PRKCZ: variants seen among roughly 807,000 people sequenced by gnomAD.
The protein encoded by PRKCZ is protein kinase C zeta type.
Under a neutral mutation model 79.5 loss-of-function variants are expected in PRKCZ, and 33 were observed. The ratio of observed to expected loss-of-function variants is 0.41; its 90% CI spans 0.31 to 0.55. PRKCZ has a LOEUF of 0.55. PRKCZ is among the 20% of genes least tolerant of loss of function. The probability of loss-of-function intolerance (pLI) is 0.19; values close to 1 mark genes in which losing one functional copy is unlikely to be tolerated. For missense variants in PRKCZ, 578 were observed against 813.5 expected (o/e 0.71, Z 3.52); for synonymous variants, 342 against 320.9 (o/e 1.07, Z -0.70).
At chr1:2,119,213 CTTTT>C (rs201938015) in intron 4 of PRKCZ, among the ~76,000 whole-genome samples, 1 of 126,430 alleles carries the variant, frequency 7.9e-6, no homozygotes. Context: ...TTATTTTTTC[CTTTT>C]TTTTTTTTTT....
At chr1:2,102,997 C>A (rs1034282866) in intron 4 of PRKCZ, among the ~76,000 whole-genome samples, 10 of 152,060 alleles carry the variant, frequency 6.6e-5, no homozygotes, top group African/African-American at 1.9e-4. Context: ...AGCCTCCCAA[C>A]TAGCTGGGAC....
chr1:2,110,437 C>T (rs1261021712), intron 4 of PRKCZ, among the ~76,000 whole-genome samples: 4 of 152,122 alleles, frequency 2.6e-5, no homozygotes, highest in South Asian at 2.1e-4. Context: ...GTGGCAGCCC[C>T]GTGGCTCCTG....
rs948339862 is a variant in PRKCZ at position 2,185,261 on chromosome 1, C to T, written c.*252C>T. The stretch of plus-strand genomic sequence containing the variant: ...CTGCGTCGCGGCGGATCCGCGGGGA[C>T]CCTGCCGAGGGGGCTGTCATGCGGT... On this transcript the variant is annotated 3_prime_UTR_variant, in exon 18 of 18. Coordinates refer to ENST00000378567, the MANE Select transcript of PRKCZ (RefSeq NM_002744.6). 1 of 715,084 alleles carries T rather than the reference C, an allele frequency of 1.4e-6. No individual in the cohort carries two copies. The highest frequency in any genetic ancestry group is 2.6e-6 in the Non-Finnish European group (1 of 383,294). The allele number at this position is 715,084 out of a possible 1,614,324, so 44.3% of individuals were successfully genotyped here.
chr1:2,140,380 C>A (rs1206630458), intron 5 of PRKCZ, among the ~76,000 whole-genome samples: 1 of 152,104 alleles, frequency 6.6e-6, no homozygotes, highest in Non-Finnish European at 1.5e-5. Flanking sequence ...AGGCCGGGCG[C>A]GGTGGCTCAC....
intron 4 of PRKCZ, among the ~76,000 whole-genome samples, chr1:2,130,521 T>C (rs567494597): frequency 5.3e-5 from 8 of 152,164 alleles, no homozygotes; most frequent in African/African-American, 1.9e-4. Context: ...ACCAAACCAA[T>C]AGGGTGTGTG....
intron 4 of PRKCZ, among the ~76,000 whole-genome samples, chr1:2,065,333 CT>C (rs971778407): frequency 2.6e-5 from 4 of 152,168 alleles, no homozygotes; most frequent in Non-Finnish European, 5.9e-5. Context: ...CCTTGTATTT[CT>C]TTTTCTTGCC....
chr1:2,060,767 C>T (rs891165633), intron 4 of PRKCZ, among the ~76,000 whole-genome samples: 5 of 152,150 alleles, frequency 3.3e-5, no homozygotes, highest in South Asian at 2.1e-4. Context: ...CCGTGGCAGG[C>T]GGACACCACC....
intron 10 of PRKCZ, among the ~76,000 whole-genome samples, chr1:2,161,118 A>G (rs12742257): frequency 6.6e-6 from 1 of 152,158 alleles, no homozygotes; most frequent in African/African-American, 2.4e-5. Flanking sequence ...CTCAGAACAG[A>G]AGGAGAGATC....
rs752342538 is a variant in PRKCZ, at chr1:2,175,184, G to T, written c.1486-40G>T. 15 of 1,576,222 alleles carry T rather than the reference G, an allele frequency of 9.5e-6. 1 individual carries two copies. The South Asian group carries it at 1.4e-4, about 15-fold the overall frequency. ...GGAGAGGGGGTCATGGGGCTTCCGG[G>T]ATGGGGCTGACTTGTCCTTGTTTGA... On this transcript the variant is annotated intron_variant, in intron 15 of 17. Coordinates refer to ENST00000378567, the MANE Select transcript of PRKCZ (RefSeq NM_002744.6).
At chr1:2,120,179 C>T (rs1671576307) in intron 4 of PRKCZ, among the ~76,000 whole-genome samples, 1 of 151,162 alleles carries the variant, frequency 6.6e-6, no homozygotes, top group Non-Finnish European at 1.5e-5. Flanking sequence ...CAACAGCAGC[C>T]TTGTGAAGGA....
intron 4 of PRKCZ, chr1:2,073,644 C>T: frequency 1.0e-6 from 1 of 991,334 alleles, no homozygotes; most frequent in Non-Finnish European, 1.2e-6. Context: ...ACATCCATGC[C>T]GTGTTTTAGT....
At chr1:2,071,555 T>G in intron 4 of PRKCZ, 1 of 180,948 alleles carries the variant, frequency 5.5e-6, no homozygotes, top group South Asian at 8.0e-5. Context: ...CTCAAATTAT[T>G]TGCAACAAAC....
rs933766974 is a variant in PRKCZ at position 2,133,346 on chromosome 1, C to T, written c.335-1916C>T. Reference sequence around the variant, plus strand: ...TCCCTCGGCTCCGCCCCCAGTTGCTCGTCGGTTCCCTCGGCTCCGCCCCCT... The same window carrying T: ...TCCCTCGGCTCCGCCCCCAGTTGCTTGTCGGTTCCCTCGGCTCCGCCCCCT... On this transcript the variant is annotated intron_variant, in intron 4 of 17. Transcript: ENST00000378567. Among the ~76,000 whole-genome samples the T allele has an allele frequency of 8.6e-5, 13 of 151,048 alleles. 1 individual carries two copies. The highest frequency in any genetic ancestry group is 2.7e-4 in the African/African-American group (11 of 41,020).
intron 4 of PRKCZ, chr1:2,071,227 G>T (rs1237335338): frequency 7.3e-6 from 2 of 273,438 alleles, no homozygotes; most frequent in South Asian, 5.5e-5. Context: ...TGTGAGGCTC[G>T]ACAGGGTTTA....
rs948339862 is a variant in PRKCZ, at chr1:2,185,261, C to A, written c.*252C>A. 1.4e-6 allele frequency: 1 copy of A among 714,966 alleles called. No individual in the cohort carries two copies. Among genetic ancestry groups the A allele is most frequent in the South Asian group, 1.5e-5 (1 of 67,606 alleles). The allele number at this position is 714,966 out of a possible 1,614,324, so 44.3% of individuals were successfully genotyped here. On this transcript the variant is annotated 3_prime_UTR_variant, in exon 18 of 18. Transcript: ENST00000378567. ...CTGCGTCGCGGCGGATCCGCGGGGACCCTGCCGAGGGGGCTGTCATGCGGT... is the reference window on the plus strand; with the variant it reads ...CTGCGTCGCGGCGGATCCGCGGGGAACCTGCCGAGGGGGCTGTCATGCGGT...
chr1:2,160,464 G>A (rs1162509644), intron 10 of PRKCZ, among the ~76,000 whole-genome samples: 2 of 152,180 alleles, frequency 1.3e-5, no homozygotes, highest in Admixed American at 6.5e-5. Flanking sequence ...GGGCTCATGG[G>A]GGACAGGCCT....
chr1:2,110,271 C>T (rs1031719731), intron 4 of PRKCZ, among the ~76,000 whole-genome samples: 3 of 152,116 alleles, frequency 2.0e-5, no homozygotes, highest in African/African-American at 7.2e-5. Flanking sequence ...CCAAGAGGAT[C>T]CCAGAGGTGA....
intron 4 of PRKCZ, among the ~76,000 whole-genome samples, chr1:2,091,775 C>T (rs1194611957): frequency 6.6e-6 from 1 of 152,160 alleles, no homozygotes; most frequent in Non-Finnish European, 1.5e-5. Context: ...CCACTTGTTC[C>T]ATGCGGACCC....
rs115792078 is a variant in PRKCZ at position 2,164,166 on chromosome 1, T to C, written c.975-5352T>C. On this transcript the variant is annotated intron_variant, in intron 10 of 17. Transcript: ENST00000378567. ...TTGGTTGATATTCATATTGTTTTAG[T>C]TTAGAATCTTCAGGACACAGAGCTA... is the stretch of plus-strand genomic sequence containing the variant. Among the ~76,000 whole-genome samples the C allele has an allele frequency of 4.1e-3, 619 of 152,300 alleles. 3 individuals are homozygous for C. The highest frequency in any genetic ancestry group is 0.014 in the African/African-American group (585 of 41,546).
Sources: gnomAD v4.1 joint callset for allele counts (sites outside exome capture counted in the v4.1 genomes callset) on GRCh38, gnomAD v4.1.1 for gene constraint, MANE v1.5 for transcripts, NCBI Gene and HGNC (gene_info 2026-07-23, HGNC 2026-07-21) for gene names.